CNTNAP5: variants seen among roughly 807,000 people sequenced by gnomAD.
CNTNAP5 encodes contactin-associated protein-like 5.
Under a neutral mutation model 150.2 loss-of-function variants are expected in CNTNAP5, and 72 were observed. That is an observed-to-expected ratio of 0.48 (90% CI 0.40 to 0.58). The LOEUF is 0.58. Ranked by LOEUF, CNTNAP5 falls within the 20% of genes least tolerant of loss-of-function variation. CNTNAP5 has a pLI of 0.00. For missense variants in CNTNAP5, 1,636 were observed against 1,626.2 expected, an observed-to-expected ratio of 1.01 and a Z score of -0.10; for synonymous variants, 672 against 619.8, an observed-to-expected ratio of 1.08 and a Z score of -1.25.
intron 3 of CNTNAP5, among the ~76,000 whole-genome samples, chr2:124,286,394 C>T (rs1274647775): frequency 6.6e-6 from 1 of 152,180 alleles, no homozygotes; most frequent in Non-Finnish European, 1.5e-5. Context: ...TTGGTGGCAC[C>T]TTAGAATTAC....
intron 21 of CNTNAP5, among the ~76,000 whole-genome samples, chr2:124,885,001 A>G (rs1334829844): frequency 6.6e-6 from 1 of 152,074 alleles, no homozygotes; most frequent in East Asian, 1.9e-4. Flanking sequence ...GAACCCACTC[A>G]TATCAGTCAG....
chr2:124,040,346 G>A (rs1054127644), intron 1 of CNTNAP5, among the ~76,000 whole-genome samples: 1 of 152,040 alleles, frequency 6.6e-6, no homozygotes, highest in African/African-American at 2.4e-5. Context: ...GAGCACCTTG[G>A]CCTTGGAGTT....
chr2:124,893,930 C>CAT (rs1438526931), intron 21 of CNTNAP5, among the ~76,000 whole-genome samples: 4 of 151,956 alleles, frequency 2.6e-5, no homozygotes, highest in Non-Finnish European at 2.9e-5. Context: ...GATAAAATTA[C>CAT]ATATATATAT....
At chr2:124,097,803 A>T (rs1682971880) in intron 1 of CNTNAP5, among the ~76,000 whole-genome samples, 1 of 152,040 alleles carries the variant, frequency 6.6e-6, no homozygotes, top group Admixed American at 6.6e-5. Context: ...CCGAGGCGGG[A>T]GGATCACGAG....
intron 3 of CNTNAP5, among the ~76,000 whole-genome samples, chr2:124,257,549 C>T (rs1687342507): frequency 6.6e-6 from 1 of 152,172 alleles, no homozygotes; most frequent in Non-Finnish European, 1.5e-5. Context: ...GTAAATTCTT[C>T]CTCATCTTTC....
At chr2:124,638,444 T>C (rs928601098) in intron 12 of CNTNAP5, among the ~76,000 whole-genome samples, 1 of 152,148 alleles carries the variant, frequency 6.6e-6, no homozygotes, top group African/African-American at 2.4e-5. Context: ...AGAATACTAT[T>C]TGAAAGTTGC....
chr2:124,869,268 GACAA>G (rs552843621), intron 20 of CNTNAP5, among the ~76,000 whole-genome samples: 134 of 152,078 alleles, frequency 8.8e-4, no homozygotes, highest in Non-Finnish European at 1.7e-3. Flanking sequence ...TGGCCCTAAG[GACAA>G]ACAGAGAGAA....
At chr2:124,573,891 T>C (rs1415039583) in intron 11 of CNTNAP5, among the ~76,000 whole-genome samples, 2 of 152,208 alleles carry the variant, frequency 1.3e-5, no homozygotes. Context: ...AATTGTTATG[T>C]GGATTAAAGG....
chr2:124,894,712 C>A (rs1402324598), intron 21 of CNTNAP5, among the ~76,000 whole-genome samples: 1 of 151,098 alleles, frequency 6.6e-6, no homozygotes, highest in Admixed American at 6.6e-5. Flanking sequence ...CACCACCACA[C>A]CTGCCTAATT....
chr2:124,793,272 C>G (rs1382718283), intron 18 of CNTNAP5, among the ~76,000 whole-genome samples: 1 of 152,152 alleles, frequency 6.6e-6, no homozygotes, highest in Non-Finnish European at 1.5e-5. Flanking sequence ...GACTTGCATT[C>G]CCTAATGACT....
chr2:124,185,606 A>T (rs887244024), intron 1 of CNTNAP5, among the ~76,000 whole-genome samples: 13 of 152,156 alleles, frequency 8.5e-5, no homozygotes, highest in Admixed American at 3.3e-4. Flanking sequence ...TATTCAGAGG[A>T]TGCTTTATTC....
Position 124,266,490 on chromosome 2 carries a change from T to G in CNTNAP5, c.381+24097T>G, listed in dbSNP as rs1687610918. On this transcript the variant is annotated intron_variant, in intron 3 of 23. Coordinates refer to ENST00000682447, the MANE Select transcript of CNTNAP5 (RefSeq NM_001367498.1). ...AAAGCTGAACAGCCCTCAGAATGAT[T>G]TATGAATAGGTCTTTGATGCATAAA... 2.6e-5 allele frequency among the ~76,000 whole-genome samples: 4 copies of G among 152,274 alleles called. No individual in the cohort carries two copies. In the South Asian group the frequency reaches 8.3e-4, roughly 32 times the overall value.
chr2:124,766,705 A>C (rs1261975375), intron 16 of CNTNAP5, among the ~76,000 whole-genome samples: 2 of 152,192 alleles, frequency 1.3e-5, no homozygotes, highest in Non-Finnish European at 2.9e-5. Flanking sequence ...AATTTAATAA[A>C]AATCAGGCCC....
At chr2:124,912,277 C>T (rs1418988875) in intron 23 of CNTNAP5, among the ~76,000 whole-genome samples, 2 of 152,102 alleles carry the variant, frequency 1.3e-5, no homozygotes, top group Non-Finnish European at 2.9e-5. Context: ...GCCATCCCTG[C>T]CTTCTGGAAG....
chr2:124,029,442 A>G (rs1425230126), intron 1 of CNTNAP5, among the ~76,000 whole-genome samples: 2 of 152,014 alleles, frequency 1.3e-5, no homozygotes, highest in East Asian at 1.9e-4. Flanking sequence ...GACAGTACCT[A>G]TGAGCTCTTT....
rs184482720 is a variant in CNTNAP5 at position 124,266,556 on chromosome 2, T to C, written c.381+24163T>C. Among the ~76,000 whole-genome samples, 298 of 152,266 alleles carry C rather than the reference T, an allele frequency of 2.0e-3. 2 individuals carry two copies. Among genetic ancestry groups the C allele is most frequent in the African/African-American group, 6.6e-3 (276 of 41,554 alleles). On this transcript the variant is annotated intron_variant, in intron 3 of 23. Coordinates refer to ENST00000682447, the MANE Select transcript of CNTNAP5 (RefSeq NM_001367498.1). ...GTGCATTTGTCAAAAGATTTCCCCA[T>C]GTGTGTCTTGTGCAGGACTTGGTTG...
At chr2:124,877,797 TATA>T (rs543223074) in intron 21 of CNTNAP5, among the ~76,000 whole-genome samples, 177 of 152,238 alleles carry the variant, frequency 1.2e-3, no homozygotes, top group African/African-American at 4.2e-3. Context: ...CTAAAAATGG[TATA>T]ATATTTATAG....
chr2:124,085,429 T>G (rs896082367), intron 1 of CNTNAP5, among the ~76,000 whole-genome samples: 1 of 152,090 alleles, frequency 6.6e-6, no homozygotes, highest in African/African-American at 2.4e-5. Context: ...CTCTCTTTCC[T>G]TTGTCAGTTT....
intron 3 of CNTNAP5, among the ~76,000 whole-genome samples, chr2:124,388,005 A>T (rs1317121213): frequency 6.7e-6 from 1 of 148,250 alleles, no homozygotes; most frequent in East Asian, 1.9e-4. Context: ...TAAAGGGGTG[A>T]CATTTCAAAC....
Sources: gnomAD v4.1 joint callset for allele counts (sites outside exome capture counted in the v4.1 genomes callset) on GRCh38, gnomAD v4.1.1 for gene constraint, MANE v1.5 for transcripts, NCBI Gene and HGNC (gene_info 2026-07-23, HGNC 2026-07-21) for gene names.